The following CLK4 variants were observed in gnomAD, a reference collection of about 807,000 sequenced individuals.
CLK4 encodes the protein dual specificity protein kinase CLK4.
A neutral mutation model predicts 64.4 loss-of-function variants in CLK4; 37 were observed. That is an observed-to-expected ratio of 0.57 (90% CI 0.44 to 0.76). The LOEUF (loss-of-function observed/expected upper bound fraction) is 0.76, where lower values mean the gene tolerates loss of function less well. Among genes scored for constraint, CLK4 ranks in the 30% least tolerant of loss-of-function variants. CLK4 has a pLI of 0.00. For missense variants in CLK4, 457 were observed against 605.1 expected (o/e 0.76, Z 2.57); for synonymous variants, 175 against 191.6 (o/e 0.91, Z 0.72).
chr5:178,605,142 A>AAT, intron 11 of CLK4, 161 bp downstream of exon 11: 1 of 331,856 alleles, frequency 3.0e-6, no homozygotes, highest in Non-Finnish European at 5.4e-6. Context: ...AAAAAAAAAA[A>AAT]GGAGTAAGAT....
chr5:178,605,498 G>C (rs1581703621), intron 10 of CLK4, 116 bp from the exon 11 acceptor site: 2 of 534,466 alleles, frequency 3.7e-6, no homozygotes, highest in East Asian at 6.8e-5. Flanking sequence ...ACTGTTTAAA[G>C]AATAACTGGG....
rs148136376 is a variant in CLK4 at position 178,622,303 on chromosome 5, C to T, written c.161+953G>A. On this transcript the variant is annotated intron_variant, in intron 2 of 12. Coordinates refer to ENST00000316308, the MANE Select transcript of CLK4 (RefSeq NM_020666.3). ...TCCCCCTTCCCCTTATATAACAATG[C>T]GTATGAAGCATGATTTGTCTGCACT... 1.8e-3 allele frequency: 591 copies of T among 336,714 alleles called. 1 individual carries two copies. The highest frequency in any genetic ancestry group is 0.011 in the African/African-American group (505 of 45,072). 20.9% of individuals were successfully genotyped at this position (336,714 alleles called of 1,614,324 possible).
At position 178,613,857 on chromosome 5, in the gene CLK4, T is replaced by G. The variant is rs763806562; in HGVS notation, c.543-14A>C. 6.3e-7 allele frequency: 1 copy of G among 1,590,926 alleles called. No individual in the cohort carries two copies. Among genetic ancestry groups the G allele is most frequent in the Non-Finnish European group, 8.6e-7 (1 of 1,159,396 alleles). On this transcript the variant is annotated splice_polypyrimidine_tract_variant and intron_variant, in intron 5 of 12. Transcript: ENST00000316308. Reference sequence around the variant, plus strand: ...TGCATGCCATCCCTTAAAAATAAAATTAAGATAAAAATGATAAATGTACAA... The same window carrying G: ...TGCATGCCATCCCTTAAAAATAAAAGTAAGATAAAAATGATAAATGTACAA...
chr5:178,620,245 T>G, intron 2 of CLK4: 1 of 248,610 alleles, frequency 4.0e-6, no homozygotes, highest in Non-Finnish European at 8.2e-6. Flanking sequence ...CTTGGAACTG[T>G]CAGGGAGAGA....
intron 9 of CLK4, among the ~76,000 whole-genome samples, chr5:178,610,028 C>T (rs1410576557): frequency 6.6e-6 from 1 of 151,974 alleles, no homozygotes; most frequent in Non-Finnish European, 1.5e-5. Context: ...CGGTGGCTCA[C>T]ACCTGTAATC....
intron 2 of CLK4, among the ~76,000 whole-genome samples, chr5:178,621,356 C>T (rs910898156): frequency 2.0e-5 from 3 of 152,072 alleles, no homozygotes; most frequent in African/African-American, 7.2e-5. Flanking sequence ...GGGTTTACAG[C>T]CACATCAGTC....
chr5:178,604,043 T>G lies in CLK4; in HGVS notation c.1215-109A>C. On this transcript the variant is annotated intron_variant, in intron 11 of 12. Coordinates refer to ENST00000316308, the MANE Select transcript of CLK4 (RefSeq NM_020666.3). ...AGCAGCTCTCTCTAAGTGTATAGAC[T>G]TATATAATATAGATGCATACAATTT... 9.8e-6 allele frequency: 7 copies of G among 713,478 alleles called. 1 individual carries two copies. In the South Asian group the frequency reaches 1.4e-4, roughly 14 times the overall value. The allele number at this position is 713,478 out of a possible 1,614,324, so 44.2% of individuals were successfully genotyped here.
At chr5:178,622,620 A>G (rs1039824290) in intron 2 of CLK4, 4 of 164,434 alleles carry the variant, frequency 2.4e-5, no homozygotes, top group Non-Finnish European at 5.0e-5. Flanking sequence ...GTAAGAATAC[A>G]ATAAAACAGC....
At chr5:178,622,058 T>C in intron 2 of CLK4, 1 of 152,224 alleles carries the variant, frequency 6.6e-6, no homozygotes, top group East Asian at 1.9e-4. Context: ...CTCAGTATCA[T>C]GTTTACGTAG....
intron 10 of CLK4, 56 bp downstream of exon 10, chr5:178,608,320 C>T (rs1263436445): frequency 1.6e-6 from 2 of 1,284,652 alleles, no homozygotes; most frequent in Non-Finnish European, 2.2e-6. Flanking sequence ...CTTTAGCATA[C>T]CTTTAACGTT....
chr5:178,605,257 A>G, intron 11 of CLK4, 46 bp downstream of exon 11: 1 of 1,110,382 alleles, frequency 9.0e-7, no homozygotes, highest in Non-Finnish European at 1.3e-6. Context: ...GTTTGAATAT[A>G]TGCTATTGCA....
intron 9 of CLK4, among the ~76,000 whole-genome samples, chr5:178,609,491 A>C (rs1298715844): frequency 6.6e-6 from 1 of 151,606 alleles, no homozygotes; most frequent in African/African-American, 2.4e-5. Flanking sequence ...GACCAGTCTG[A>C]CCAACATGGT....
chr5:178,618,460 T>TTA (rs35899017), intron 3 of CLK4, 96 bp downstream of exon 3: 4,503 of 361,206 alleles, frequency 0.012, 55 homozygotes, highest in South Asian at 0.047. Flanking sequence ...AAATAGTATT[T>TTA]TATATATATA....
intron 9 of CLK4, among the ~76,000 whole-genome samples, chr5:178,610,972 C>CT (rs2113804331): frequency 6.6e-6 from 1 of 151,408 alleles, no homozygotes; most frequent in African/African-American, 2.4e-5. Flanking sequence ...ACTCAGGAGG[C>CT]TGAGTTAGGA....
chr5:178,619,493 C>A (rs1347392245), intron 2 of CLK4, among the ~76,000 whole-genome samples: 1 of 152,156 alleles, frequency 6.6e-6, no homozygotes, highest in Non-Finnish European at 1.5e-5. Context: ...TAAAATATAT[C>A]CCCCTAAAAT....
chr5:178,604,392 T>C (rs1027775202), intron 11 of CLK4: 1 of 151,610 alleles, frequency 6.6e-6, no homozygotes, highest in Admixed American at 6.6e-5. Context: ...CCATATTCTA[T>C]GTATTATTTT....
chr5:178,612,342 C>A, intron 9 of CLK4, 74 bp downstream of exon 9: 1 of 1,342,460 alleles, frequency 7.4e-7, no homozygotes. Flanking sequence ...TACTTCCCCA[C>A]CCCACCAGTA....
At chr5:178,612,109 G>C (rs1764565627) in intron 9 of CLK4, among the ~76,000 whole-genome samples, 1 of 152,042 alleles carries the variant, frequency 6.6e-6, no homozygotes, top group African/African-American at 2.4e-5. Context: ...CATGAAAATA[G>C]GTACTCATAT....
At chr5:178,622,120 T>C (rs1287155214) in intron 2 of CLK4, 2 of 152,186 alleles carry the variant, frequency 1.3e-5, no homozygotes, top group Non-Finnish European at 2.9e-5. Context: ...TTCCTTTCTA[T>C]ATATACAACG....
Sources: gnomAD v4.1 joint callset for allele counts (sites outside exome capture counted in the v4.1 genomes callset) on GRCh38, gnomAD v4.1.1 for gene constraint, MANE v1.5 for transcripts, NCBI Gene and HGNC (gene_info 2026-07-23, HGNC 2026-07-21) for gene names.